CNTNAP2: variants seen among roughly 807,000 people sequenced by gnomAD.
The protein encoded by CNTNAP2 is contactin-associated protein-like 2.
A neutral mutation model predicts 155.2 loss-of-function variants in CNTNAP2; 98 were observed. The observed-to-expected ratio is 0.63, with a 90% CI of 0.54 to 0.75. The LOEUF (loss-of-function observed/expected upper bound fraction) is 0.75. CNTNAP2 is among the 30% of genes least tolerant of loss of function. The pLI is 0.00. For missense variants in CNTNAP2, 1,727 were observed against 1,688.1 expected, an observed-to-expected ratio of 1.02 and a Z score of -0.40; for synonymous variants, 651 against 631.2, an observed-to-expected ratio of 1.03 and a Z score of -0.47.
chr7:147,204,046 T>C (rs1197672418), intron 8 of CNTNAP2, among the ~76,000 whole-genome samples: 2 of 151,890 alleles, frequency 1.3e-5, no homozygotes, highest in African/African-American at 4.8e-5. Flanking sequence ...CTCTTAACTT[T>C]CCACAAAGTA....
chr7:147,697,803 C>T (rs890608247), intron 13 of CNTNAP2, among the ~76,000 whole-genome samples: 7 of 152,076 alleles, frequency 4.6e-5, no homozygotes, highest in Non-Finnish European at 7.4e-5. Context: ...TTAAGAAGAA[C>T]GGAAGGCTGT....
intron 17 of CNTNAP2, among the ~76,000 whole-genome samples, chr7:148,170,084 G>T (rs1425172182): frequency 9.2e-5 from 14 of 152,200 alleles, no homozygotes; most frequent in African/African-American, 3.4e-4. Context: ...GAAAAAGGCT[G>T]TTCCCTAAAA....
At chr7:146,178,021 C>G (rs1798494127) in intron 1 of CNTNAP2, among the ~76,000 whole-genome samples, 1 of 151,916 alleles carries the variant, frequency 6.6e-6, no homozygotes, top group Admixed American at 6.6e-5. Flanking sequence ...GGAACATATT[C>G]TTTATTTTTA....
chr7:147,976,594 A>G (rs1273508573), intron 14 of CNTNAP2, among the ~76,000 whole-genome samples: 1 of 152,202 alleles, frequency 6.6e-6, no homozygotes, highest in Non-Finnish European at 1.5e-5. Flanking sequence ...TAATGCATTT[A>G]TTTGAGGCCA....
At chr7:148,322,796 GGT>G (rs1491506667) in intron 21 of CNTNAP2, among the ~76,000 whole-genome samples, 19 of 91,872 alleles carry the variant, frequency 2.1e-4, no homozygotes, top group Middle Eastern at 6.0e-3. Context: ...TGTTTTTTGG[GGT>G]TTTTTTTTTT....
intron 1 of CNTNAP2, among the ~76,000 whole-genome samples, chr7:146,192,491 C>G (rs1052932466): frequency 6.6e-6 from 1 of 152,100 alleles, no homozygotes; most frequent in Admixed American, 6.5e-5. Flanking sequence ...AAAGGAGAAG[C>G]AAAGTCACAT....
At chr7:147,315,713 C>T (rs1009006449) in intron 9 of CNTNAP2, among the ~76,000 whole-genome samples, 3 of 151,972 alleles carry the variant, frequency 2.0e-5, no homozygotes, top group Non-Finnish European at 4.4e-5. Context: ...ATCTCCTGAC[C>T]TCTGATCCAC....
intron 1 of CNTNAP2, among the ~76,000 whole-genome samples, chr7:146,450,084 G>A (rs988995511): frequency 3.3e-5 from 5 of 151,998 alleles, no homozygotes; most frequent in South Asian, 2.1e-4. Flanking sequence ...CTGTTTCTAC[G>A]TTGTACCTTT....
intron 13 of CNTNAP2, among the ~76,000 whole-genome samples, chr7:147,743,779 C>T (rs1290594460): frequency 6.6e-6 from 1 of 151,976 alleles, no homozygotes; most frequent in Non-Finnish European, 1.5e-5. Flanking sequence ...GCCATCTCTT[C>T]AGTCCCAGGT....
intron 4 of CNTNAP2, among the ~76,000 whole-genome samples, chr7:147,095,348 T>G (rs906115676): frequency 6.6e-6 from 1 of 151,908 alleles, no homozygotes; most frequent in African/African-American, 2.4e-5. Flanking sequence ...TGGGGCAGCT[T>G]TTATGAGAGA....
chr7:146,752,371 G>A (rs142537523), intron 1 of CNTNAP2, among the ~76,000 whole-genome samples: 335 of 152,246 alleles, frequency 2.2e-3, no homozygotes, highest in African/African-American at 7.4e-3. Flanking sequence ...TTTCTCTAAT[G>A]ATCAGTGATG....
At chr7:146,148,710 T>G (rs533195572) in intron 1 of CNTNAP2, among the ~76,000 whole-genome samples, 1 of 152,260 alleles carries the variant, frequency 6.6e-6, no homozygotes, top group Admixed American at 6.6e-5. Context: ...TTACAAAGGC[T>G]ATAATCACAA....
intron 13 of CNTNAP2, among the ~76,000 whole-genome samples, chr7:147,640,295 C>T (rs1198094395): frequency 6.6e-6 from 1 of 151,996 alleles, no homozygotes; most frequent in Non-Finnish European, 1.5e-5. Context: ...AAATACATTG[C>T]TATTAACCGT....
chr7:147,091,538 G>A (rs1293494866), intron 4 of CNTNAP2, among the ~76,000 whole-genome samples: 2 of 151,872 alleles, frequency 1.3e-5, no homozygotes, highest in Non-Finnish European at 2.9e-5. Flanking sequence ...TGCAACCTCC[G>A]CCTACGGGGT....
At chr7:147,116,865 T>G (rs183041244) in intron 5 of CNTNAP2, among the ~76,000 whole-genome samples, 243 of 151,672 alleles carry the variant, frequency 1.6e-3, no homozygotes, top group African/African-American at 5.7e-3. Flanking sequence ...AGCCACTGTG[T>G]TACGCTGCTG....
chr7:147,475,923 A>G (rs1248034062), intron 10 of CNTNAP2, among the ~76,000 whole-genome samples: 3 of 152,026 alleles, frequency 2.0e-5, no homozygotes, highest in Non-Finnish European at 2.9e-5. Flanking sequence ...AAGTCTTTGT[A>G]TTTATTTCTG....
intron 1 of CNTNAP2, among the ~76,000 whole-genome samples, chr7:146,655,291 G>C (rs548467433): frequency 6.6e-6 from 1 of 151,434 alleles, no homozygotes; most frequent in African/African-American, 2.4e-5. Flanking sequence ...GTGCACACCT[G>C]TAGTCCCAGC....
intron 13 of CNTNAP2, among the ~76,000 whole-genome samples, chr7:147,717,306 G>A (rs888210782): frequency 1.3e-5 from 2 of 152,086 alleles, no homozygotes; most frequent in Non-Finnish European, 2.9e-5. Context: ...AATTCCCGAG[G>A]CGCAGCATTG....
chr7:147,838,746 AG>A (rs1584983203), intron 13 of CNTNAP2, among the ~76,000 whole-genome samples: 1 of 152,302 alleles, frequency 6.6e-6, no homozygotes, highest in East Asian at 1.9e-4. Flanking sequence ...GCAAGTCTCT[AG>A]GGAGTTCCAA....
Sources: gnomAD v4.1 joint callset for allele counts (sites outside exome capture counted in the v4.1 genomes callset) on GRCh38, gnomAD v4.1.1 for gene constraint, MANE v1.5 for transcripts, NCBI Gene and HGNC (gene_info 2026-07-23, HGNC 2026-07-21) for gene names.